SYN3: variants seen among roughly 807,000 people sequenced by gnomAD.
SYN3 encodes the protein synapsin-3.
Under a neutral mutation model 65.8 loss-of-function variants are expected in SYN3, and 35 were observed. The ratio of observed to expected loss-of-function variants is 0.53; its 90% CI spans 0.41 to 0.70. The LOEUF is 0.70. Ranked by LOEUF, SYN3 falls within the 30% of genes least tolerant of loss-of-function variation. SYN3 has a pLI of 0.00. For missense variants in SYN3, 680 were observed against 749.0 expected (o/e 0.91, Z 1.08); for synonymous variants, 270 against 292.9 (o/e 0.92, Z 0.80).
chr22:32,800,493 A>G (rs1220146214), intron 6 of SYN3, among the ~76,000 whole-genome samples: 2 of 152,220 alleles, frequency 1.3e-5, no homozygotes, highest in Admixed American at 6.5e-5. Context: ...TCCTACCCAC[A>G]AAGATTATTG....
intron 13 of SYN3, 77 bp downstream of exon 13, chr22:32,517,966 C>A: frequency 7.2e-7 from 1 of 1,384,192 alleles, no homozygotes; most frequent in Non-Finnish European, 9.4e-7. Flanking sequence ...GTCTCCAAGT[C>A]CCTAACCCTG....
intron 6 of SYN3, among the ~76,000 whole-genome samples, chr22:32,707,643 T>C (rs1364749254): frequency 6.6e-6 from 1 of 151,664 alleles, no homozygotes; most frequent in Non-Finnish European, 1.5e-5. Context: ...GAGGCCCAAA[T>C]GAGATAATAA....
chr22:32,914,357 C>T (rs2050133939), intron 4 of SYN3, among the ~76,000 whole-genome samples: 3 of 152,024 alleles, frequency 2.0e-5, no homozygotes, highest in Admixed American at 2.0e-4. Flanking sequence ...TTGGGGTAAC[C>T]TCAGGCAAGT....
At chr22:32,563,395 T>C (rs576559947) in intron 7 of SYN3, among the ~76,000 whole-genome samples, 258 of 152,304 alleles carry the variant, frequency 1.7e-3, no homozygotes, top group African/African-American at 5.9e-3. Context: ...GGGAGGGTCA[T>C]GTCAACTGAA....
intron 6 of SYN3, among the ~76,000 whole-genome samples, chr22:32,843,201 T>C (rs908294848): frequency 6.6e-6 from 1 of 152,178 alleles, no homozygotes; most frequent in Non-Finnish European, 1.5e-5. Flanking sequence ...CAGCTTGCCA[T>C]GAGGACAGAG....
At chr22:32,802,353 T>C (rs1217978975) in intron 6 of SYN3, among the ~76,000 whole-genome samples, 1 of 152,094 alleles carries the variant, frequency 6.6e-6, no homozygotes, top group African/African-American at 2.4e-5. Context: ...CTGGCCGCCT[T>C]TGCTTTCCTA....
At chr22:32,676,710 GT>G (rs130749) in intron 6 of SYN3, among the ~76,000 whole-genome samples, 95 of 133,786 alleles carry the variant, frequency 7.1e-4, no homozygotes, top group Middle Eastern at 7.5e-3. Flanking sequence ...TTAATTTTTT[GT>G]TTTTTTTTTT....
chr22:32,861,507 C>T (rs972373661), intron 6 of SYN3: 2 of 152,310 alleles, frequency 1.3e-5, no homozygotes, highest in South Asian at 4.1e-4. Flanking sequence ...GACCAACCTA[C>T]ACAAGTTCCC....
intron 7 of SYN3, among the ~76,000 whole-genome samples, chr22:32,593,698 G>A (rs1360509331): frequency 6.6e-6 from 1 of 152,162 alleles, no homozygotes; most frequent in Non-Finnish European, 1.5e-5. Flanking sequence ...GGGAGACAAA[G>A]TAGAGATGTA....
At chr22:32,808,257 A>G (rs1341988260) in intron 6 of SYN3, among the ~76,000 whole-genome samples, 4 of 152,230 alleles carry the variant, frequency 2.6e-5, no homozygotes, top group African/African-American at 4.8e-5. Flanking sequence ...ACACACATAC[A>G]CAGGGTTTTG....
At chr22:33,045,679 G>T (rs1437818177) in intron 1 of SYN3, among the ~76,000 whole-genome samples, 2 of 151,472 alleles carry the variant, frequency 1.3e-5, no homozygotes, top group African/African-American at 4.9e-5. Flanking sequence ...AGCCAGGATG[G>T]TCTCGATCTC....
intron 7 of SYN3, among the ~76,000 whole-genome samples, chr22:32,545,496 G>T (rs2058323758): frequency 6.6e-6 from 1 of 152,144 alleles, no homozygotes; most frequent in Non-Finnish European, 1.5e-5. Context: ...CGTTTGAGTG[G>T]TTGTGCACTG....
At position 32,781,830 on chromosome 22, in the gene SYN3, C is replaced by T. The variant is rs189814077; in HGVS notation, c.711+83085G>A. Among the ~76,000 whole-genome samples, 468 of 152,116 alleles carry T rather than the reference C, an allele frequency of 3.1e-3. 2 individuals carry two copies. The highest frequency in any genetic ancestry group is 0.011 in the African/African-American group (446 of 41,550). On this transcript the variant is annotated intron_variant, in intron 6 of 13. Coordinates refer to ENST00000358763, the MANE Select transcript of SYN3 (RefSeq NM_003490.4). ...TTCTTGGGCACAGAGAATTGGATTA[C>T]TGAGTAGATTTACAGCAGACTATGC...
At chr22:32,978,436 A>C (rs930892285) in intron 3 of SYN3, among the ~76,000 whole-genome samples, 2 of 152,060 alleles carry the variant, frequency 1.3e-5, no homozygotes, top group African/African-American at 4.8e-5. Flanking sequence ...GATGTGTCCT[A>C]TTTTGGAGAA....
At chr22:32,915,170 T>C (rs1439382295) in intron 4 of SYN3, among the ~76,000 whole-genome samples, 2 of 152,144 alleles carry the variant, frequency 1.3e-5, no homozygotes, top group African/African-American at 4.8e-5. Context: ...ATACCTAATG[T>C]AGATGATGGG....
At chr22:32,584,927 T>C (rs2059001353) in intron 7 of SYN3, among the ~76,000 whole-genome samples, 1 of 152,058 alleles carries the variant, frequency 6.6e-6, no homozygotes, top group South Asian at 2.1e-4. Flanking sequence ...ATAAATAAAC[T>C]CTCTAATTAA....
chr22:32,931,425 G>T lies in SYN3; in HGVS notation c.426C>A (p.Asp142Glu), dbSNP rs769944960. The part of the protein sequence containing the change: ...AAYVTGGCMV[D>E]MQVVRNGTKV... ...TGGTCCCATTTCTCACGACCTGCAT[G>T]TCCACCATGCAGCCCCCGGTCACAT... is the stretch of plus-strand genomic sequence containing the variant. The change falls in exon 4 of 14, where the codon GAC becomes GAA. Residue 142 changes from aspartate to glutamate, a missense_variant. Asp to Glu is a conservative substitution (Grantham distance 45, BLOSUM62 2). Transcript: ENST00000358763. 70 of 1,613,794 alleles carry T rather than the reference G, an allele frequency of 4.3e-5. No homozygotes were observed. In the Middle Eastern group the frequency reaches 4.9e-4, roughly 11 times the overall value.
In SYN3 at chr22:32,518,340, G is replaced by T; in HGVS notation, c.1319-6C>A. On this transcript the variant is annotated splice_region_variant and splice_polypyrimidine_tract_variant and intron_variant, in intron 12 of 13. Coordinates refer to ENST00000358763, the MANE Select transcript of SYN3 (RefSeq NM_003490.4). ...CTGAGCTTGGCGAGGGCCTCCTAAG[G>T]GGCCAGAAAAAAAAAGGTTCAGTTC... 1 of 1,609,356 alleles carries T rather than the reference G, an allele frequency of 6.2e-7. No individual in the cohort carries two copies. Among genetic ancestry groups the T allele is most frequent in the Non-Finnish European group, 8.5e-7 (1 of 1,178,200 alleles).
In SYN3 at chr22:32,544,784, C is replaced by T. The variant is rs139383201; in HGVS notation, c.775-3071G>A. 3.5e-3 allele frequency among the ~76,000 whole-genome samples: 537 copies of T among 152,284 alleles called. 16 individuals are homozygous for T. The East Asian group carries it at 0.061, about 17-fold the overall frequency. ...AGAATCGGGTGAGCGTTTGCAGGGA[C>T]GGCTTGTTTAACTCACATTTCTGTC... On this transcript the variant is annotated intron_variant, in intron 7 of 13. Coordinates refer to ENST00000358763, the MANE Select transcript of SYN3 (RefSeq NM_003490.4).
Sources: allele counts gnomAD v4.1 joint callset (sites outside exome capture counted in the v4.1 genomes callset), GRCh38; gene constraint gnomAD v4.1.1; transcripts MANE v1.5; gene names NCBI Gene and HGNC (gene_info 2026-07-23, HGNC 2026-07-21).